Variants in YJU2B observed in about 807,000 individuals in gnomAD.
YJU2B encodes YJU2 splicing factor homolog B.
A neutral mutation model predicts 38.0 loss-of-function variants in YJU2B; 18 were observed. That is an observed-to-expected ratio of 0.47 (90% CI 0.33 to 0.70). YJU2B has a LOEUF of 0.70. Among genes scored for constraint, YJU2B ranks in the 30% least tolerant of loss-of-function variants. The probability of loss-of-function intolerance (pLI) is 0.02; values close to 1 mark genes in which losing one functional copy is unlikely to be tolerated. For missense variants in YJU2B, 538 were observed against 556.3 expected (o/e 0.97, Z 0.33); for synonymous variants, 246 against 225.4 (o/e 1.09, Z -0.82).
At chr19:13,760,295 T>C (rs1973838810) in intron 8 of YJU2B, among the ~76,000 whole-genome samples, 1 of 152,086 alleles carries the variant, frequency 6.6e-6, no homozygotes, top group African/African-American at 2.4e-5. Context: ...CGCTGGCAGA[T>C]CCAGTGTCTG....
At chr19:13,759,399 C>G in intron 8 of YJU2B, 127 bp downstream of exon 8, 1 of 709,060 alleles carries the variant, frequency 1.4e-6, no homozygotes, top group Non-Finnish European at 2.3e-6. Context: ...GTTTCCCCAT[C>G]TGCTACATGG....
intron 2 of YJU2B, among the ~76,000 whole-genome samples, chr19:13,753,303 G>C (rs1333779909): frequency 6.6e-6 from 1 of 152,192 alleles, no homozygotes; most frequent in Non-Finnish European, 1.5e-5. Flanking sequence ...GCTGGGCGCG[G>C]TGGCTCACGC....
Position 13,763,033 on chromosome 19 carries a change from C to T in YJU2B, c.1156C>T (p.Leu386Phe), listed in dbSNP as rs746777103. The T allele has an allele frequency of 2.5e-6, 4 of 1,578,060 alleles. No homozygotes were observed. The highest frequency in any genetic ancestry group is 1.8e-5 in the Admixed American group (1 of 55,794). Residue 386 changes from leucine (L) to phenylalanine (F), a missense_variant, in exon 10 of 10, where the codon CTC (leucine) becomes TTC (phenylalanine). Physicochemically the swap from Leu to Phe is conservative, Grantham distance 22 (BLOSUM62 0). This residue lies in a region of YJU2B where 488 missense variants were observed against 469.5 expected (regional missense o/e 1.04). Coordinates refer to ENST00000221554, the MANE Select transcript of YJU2B (RefSeq NM_030818.4). ...GCACCCCTGCAGTCTCGGCTCCTCC[C>T]TCGTGGCGGACTACTCCGACTCGGA... ...TRHPCSLGSSLVADYSDSESE is the reference protein window; with the variant it reads ...TRHPCSLGSSFVADYSDSESE
upstream of YJU2B, among the ~76,000 whole-genome samples, chr19:13,744,019 C>G (rs1007841021): frequency 9.2e-5 from 14 of 151,992 alleles, no homozygotes; most frequent in African/African-American, 3.4e-4. Flanking sequence ...AGTGAAACCT[C>G]GTCTCTACTA....
At chr19:13,742,395 C>T (rs926058374) in intron 2 of YJU2B, among the ~76,000 whole-genome samples, 1 of 150,756 alleles carries the variant, frequency 6.6e-6, no homozygotes, top group Non-Finnish European at 1.5e-5. Flanking sequence ...CTCCGCCTCC[C>T]GGGTTCAAGC....
intron 8 of YJU2B, among the ~76,000 whole-genome samples, chr19:13,760,495 T>C (rs1453814655): frequency 6.6e-6 from 1 of 152,208 alleles, no homozygotes; most frequent in Non-Finnish European, 1.5e-5. Flanking sequence ...GGATTAAGCT[T>C]CAACATATCA....
chr19:13,752,661 T>C (rs1418105109), intron 2 of YJU2B, among the ~76,000 whole-genome samples: 14 of 152,064 alleles, frequency 9.2e-5, no homozygotes, highest in Non-Finnish European at 1.9e-4. Context: ...GGAGAATCGC[T>C]TGAACCCGGG....
At chr19:13,738,627 C>T (rs1255757031) in intron 2 of YJU2B, among the ~76,000 whole-genome samples, 2 of 152,046 alleles carry the variant, frequency 1.3e-5, no homozygotes, top group Non-Finnish European at 1.5e-5. Flanking sequence ...CGTGGTGGCT[C>T]ACGCCTGTAA....
At chr19:13,754,398 T>A (rs377472319) in intron 3 of YJU2B, 56 bp downstream of exon 3, 111 of 1,440,442 alleles carry the variant, frequency 7.7e-5, no homozygotes, top group Non-Finnish European at 1.0e-4. Flanking sequence ...CGTCATCCCC[T>A]CTTGGGGTTA....
chr19:13,745,888 T>C (rs151312207), upstream of YJU2B, among the ~76,000 whole-genome samples: 145 of 152,098 alleles, frequency 9.5e-4, 1 homozygote, highest in African/African-American at 2.4e-3. Context: ...ACCAGACATA[T>C]AGCAGGTGTC....
chr19:13,756,627 A>T (rs1973677616), intron 4 of YJU2B, among the ~76,000 whole-genome samples: 1 of 152,014 alleles, frequency 6.6e-6, no homozygotes, highest in African/African-American at 2.4e-5. Flanking sequence ...TCCGTGTTGT[A>T]TCTCAACCTG....
intron 8 of YJU2B, chr19:13,761,541 G>C (rs1035806407): frequency 6.6e-6 from 1 of 152,272 alleles, no homozygotes; most frequent in African/African-American, 2.4e-5. Flanking sequence ...ACTGTATGCC[G>C]AGTGTCCAGA....
Position 13,762,417 on chromosome 19 carries a change from T to C in YJU2B, c.692T>C (p.Leu231Pro). ...GATGACCGCAAGCTGGCGGCTCTGCTGAAGTTCCACACCCTGGACTGTGCG... is the reference window on the plus strand; with the variant it reads ...GATGACCGCAAGCTGGCGGCTCTGCCGAAGTTCCACACCCTGGACTGTGCG... ...TEDDRKLAALLKFHTLDSYED... is the reference protein window; with the variant it reads ...TEDDRKLAALPKFHTLDSYED... Residue 231 changes from leucine to proline, a missense_variant, in exon 9 of 10, where the codon CTG becomes CCG. Leu to Pro is a moderately conservative substitution (Grantham distance 98, BLOSUM62 -3). Transcript: ENST00000221554. 6.2e-7 allele frequency: 1 copy of C among 1,613,178 alleles called. No individual in the cohort carries two copies.
intron 8 of YJU2B, among the ~76,000 whole-genome samples, chr19:13,760,619 G>T (rs1973851580): frequency 6.6e-6 from 1 of 151,466 alleles, no homozygotes; most frequent in Non-Finnish European, 1.5e-5. Context: ...TTTGTGACTG[G>T]GTCTCACTCT....
At chr19:13,760,802 C>T (rs940094580) in intron 8 of YJU2B, among the ~76,000 whole-genome samples, 1 of 151,954 alleles carries the variant, frequency 6.6e-6, no homozygotes, top group East Asian at 1.9e-4. Flanking sequence ...GACTGAGTCT[C>T]GCTCGTCGCC....
intron 1 of YJU2B, among the ~76,000 whole-genome samples, chr19:13,748,586 AGC>A (rs1973338728): frequency 6.6e-6 from 1 of 152,162 alleles, no homozygotes; most frequent in Non-Finnish European, 1.5e-5. Flanking sequence ...CACACCCTCG[AGC>A]TCCTGTAAAC....
chr19:13,755,577 G>A (rs1028879549), intron 3 of YJU2B, among the ~76,000 whole-genome samples: 3 of 151,964 alleles, frequency 2.0e-5, no homozygotes, highest in African/African-American at 4.8e-5. Context: ...ACCATTATAC[G>A]TAGTTGACAG....
chr19:13,762,231 C>G, intron 8 of YJU2B, 68 bp from the exon 9 acceptor site: 1 of 1,543,346 alleles, frequency 6.5e-7, no homozygotes, highest in Non-Finnish European at 8.8e-7. Flanking sequence ...GGAGCAGTGC[C>G]CCCTAGTACA....
chr19:13,754,043 A>G (rs573756952), intron 2 of YJU2B, among the ~76,000 whole-genome samples: 28 of 152,166 alleles, frequency 1.8e-4, no homozygotes, highest in Non-Finnish European at 8.8e-5. Context: ...GTGGTGGTGC[A>G]TGCCTGTAAT....
Sources: allele counts gnomAD v4.1 joint callset (sites outside exome capture counted in the v4.1 genomes callset), GRCh38; gene constraint gnomAD v4.1.1; regional missense constraint gnomAD v4.1.1; transcripts MANE v1.5; gene names NCBI Gene and HGNC (gene_info 2026-07-23, HGNC 2026-07-21).